The following PACRG variants were observed in gnomAD, a reference collection of about 807,000 sequenced individuals.
PACRG encodes parkin coregulated gene protein.
A neutral mutation model predicts 29.7 loss-of-function variants in PACRG; 29 were observed. The ratio of observed to expected loss-of-function variants is 0.98; its 90% CI spans 0.73 to 1.33. PACRG has a LOEUF of 1.33. PACRG is among the 40% of genes most tolerant of loss of function. The probability of loss-of-function intolerance (pLI) is 0.00; values close to 1 mark genes in which losing one functional copy is unlikely to be tolerated. For missense variants in PACRG, 279 were observed against 316.2 expected, an observed-to-expected ratio of 0.88 and a Z score of 0.89; for synonymous variants, 116 against 118.7, an observed-to-expected ratio of 0.98 and a Z score of 0.15.
At chr6:163,280,491 T>C (rs988381183) in intron 4 of PACRG, among the ~76,000 whole-genome samples, 4 of 152,150 alleles carry the variant, frequency 2.6e-5, no homozygotes, top group African/African-American at 7.2e-5. Context: ...CATTTCAAGG[T>C]CTTCACTCTA....
chr6:162,936,799 AT>A lies in PACRG; in HGVS notation c.291+122531del, dbSNP rs200818605. ...AAGTATATATCTGTAATTGTTCAGA[AT>A]TTTTTTTTTTTTAGTTTGGCTTATA... On this transcript the variant is annotated intron_variant, in intron 2 of 4. Coordinates refer to ENST00000366888, the MANE Select transcript of PACRG (RefSeq NM_001080379.2). Among the ~76,000 whole-genome samples, 665 of 146,088 alleles carry A rather than the reference AT, an allele frequency of 4.6e-3. 4 individuals carry two copies. Among genetic ancestry groups the A allele is most frequent in the Middle Eastern group, 0.011 (3 of 278 alleles).
intron 2 of PACRG, among the ~76,000 whole-genome samples, chr6:162,920,605 C>T (rs1480721982): frequency 6.6e-6 from 1 of 152,146 alleles, no homozygotes. Flanking sequence ...CATTCCCTTA[C>T]CTGATGACTG....
intron 4 of PACRG, among the ~76,000 whole-genome samples, chr6:163,147,444 A>T (rs1777845892): frequency 6.6e-6 from 1 of 152,176 alleles, no homozygotes; most frequent in Non-Finnish European, 1.5e-5. Context: ...ATGAACTGAG[A>T]CTCAGAGGCT....
intron 4 of PACRG, among the ~76,000 whole-genome samples, chr6:163,114,114 G>A (rs569171216): frequency 6.6e-6 from 1 of 152,294 alleles, no homozygotes; most frequent in South Asian, 2.1e-4. Flanking sequence ...GTTGGGCATG[G>A]TGGTGCGCCC....
intron 4 of PACRG, among the ~76,000 whole-genome samples, chr6:163,308,662 T>C (rs1785282683): frequency 9.9e-6 from 1 of 100,926 alleles, no homozygotes; most frequent in South Asian, 2.7e-4. Flanking sequence ...TGAGGCTCCG[T>C]CTCAAAAAAA....
At chr6:163,277,516 C>T (rs147965102) in intron 4 of PACRG, among the ~76,000 whole-genome samples, 1,612 of 135,708 alleles carry the variant, frequency 0.012, 39 homozygotes, top group African/African-American at 0.042. Flanking sequence ...CACACACACA[C>T]ATATACACAT....
At chr6:162,867,637 G>T (rs1035718158) in intron 2 of PACRG, among the ~76,000 whole-genome samples, 3 of 152,118 alleles carry the variant, frequency 2.0e-5, no homozygotes, top group Non-Finnish European at 1.5e-5. Context: ...AGAACTATCC[G>T]CAAGAAAAAT....
chr6:163,089,521 C>A lies in PACRG; in HGVS notation c.613+113C>A. 8 of 1,282,762 alleles carry A rather than the reference C, an allele frequency of 6.2e-6. No homozygotes were observed. In the South Asian group the frequency reaches 1.0e-4, roughly 16 times the overall value. 79.5% of individuals were successfully genotyped at this position (1,282,762 alleles called of 1,614,324 possible). ...TTTATTATTGCATATAAACCATGAT[C>A]CATTTGGAGATCTAAATAGCATATT... On this transcript the variant is annotated intron_variant, in intron 4 of 4. Coordinates refer to ENST00000366888, the MANE Select transcript of PACRG (RefSeq NM_001080379.2).
intron 4 of PACRG, among the ~76,000 whole-genome samples, chr6:163,305,587 G>A (rs1785170819): frequency 6.6e-6 from 1 of 152,162 alleles, no homozygotes; most frequent in Non-Finnish European, 1.5e-5. Context: ...CCATAAAGAT[G>A]GGGGTATGAA....
At chr6:162,970,843 C>T (rs1009707009) in intron 2 of PACRG, among the ~76,000 whole-genome samples, 3 of 102,148 alleles carry the variant, frequency 2.9e-5, no homozygotes, top group Non-Finnish European at 6.7e-5. Flanking sequence ...TGGCATTGCC[C>T]CTGTCACCTG....
At chr6:163,136,383 G>A (rs1816938217) in intron 4 of PACRG, among the ~76,000 whole-genome samples, 1 of 152,146 alleles carries the variant, frequency 6.6e-6, no homozygotes, top group Non-Finnish European at 1.5e-5. Context: ...TGAATTTGAA[G>A]ATCAACTTGT....
intron 2 of PACRG, among the ~76,000 whole-genome samples, chr6:163,023,223 C>G (rs1806806815): frequency 6.6e-6 from 1 of 152,128 alleles, no homozygotes; most frequent in African/African-American, 2.4e-5. Context: ...TAACCCACCC[C>G]CCTCCTTCCA....
At chr6:163,043,861 T>A (rs907161021) in intron 2 of PACRG, among the ~76,000 whole-genome samples, 4 of 152,114 alleles carry the variant, frequency 2.6e-5, no homozygotes, top group African/African-American at 9.7e-5. Flanking sequence ...TGAGATGCAG[T>A]TTATGAGGCC....
chr6:162,799,042 G>A (rs77817924), intron 1 of PACRG, among the ~76,000 whole-genome samples: 10,392 of 152,188 alleles, frequency 0.068, 480 homozygotes, highest in East Asian at 0.28. Context: ...GGTGAATTGC[G>A]AGTGTCTGGC....
At chr6:163,219,710 A>G (rs1266920086) in intron 4 of PACRG, among the ~76,000 whole-genome samples, 1 of 135,510 alleles carries the variant, frequency 7.4e-6, no homozygotes, top group African/African-American at 2.9e-5. Context: ...GCCTCCTCCT[A>G]CAGCTCAGCC....
rs141328591 is a variant in PACRG, at chr6:163,299,335, C to T, written c.614-15492C>T. 4.9e-3 allele frequency among the ~76,000 whole-genome samples: 752 copies of T among 152,298 alleles called. 2 individuals carry two copies. Among genetic ancestry groups the T allele is most frequent in the Non-Finnish European group, 5.7e-3 (391 of 68,024 alleles). ...TGAAGAGAGCTGTATTTCACCAAGG[C>T]GAATGCTCCAGCTGTTGCTCTGGGG... On this transcript the variant is annotated intron_variant, in intron 4 of 4. Transcript: ENST00000366888.
chr6:163,166,610 T>A (rs1778824573), intron 4 of PACRG, among the ~76,000 whole-genome samples: 1 of 152,238 alleles, frequency 6.6e-6, no homozygotes, highest in African/African-American at 2.4e-5. Context: ...TATAATTAAA[T>A]CATATGGAAA....
At chr6:162,738,584 A>C (rs1780341793) in intron 1 of PACRG, among the ~76,000 whole-genome samples, 1 of 152,208 alleles carries the variant, frequency 6.6e-6, no homozygotes, top group South Asian at 2.1e-4. Flanking sequence ...AGGCAAGCCC[A>C]ATCTTTGTAG....
intron 1 of PACRG, among the ~76,000 whole-genome samples, chr6:162,732,044 A>G (rs974838178): frequency 7.2e-5 from 11 of 152,252 alleles, no homozygotes; most frequent in Admixed American, 2.6e-4. Flanking sequence ...AAGAAGGAGG[A>G]AAGTGGAAGC....
Sources: allele counts gnomAD v4.1 joint callset (sites outside exome capture counted in the v4.1 genomes callset), GRCh38; gene constraint gnomAD v4.1.1; transcripts MANE v1.5; gene names NCBI Gene and HGNC (gene_info 2026-07-23, HGNC 2026-07-21).